The following NELL1 variants were observed in gnomAD, a reference collection of about 807,000 sequenced individuals.
NELL1 encodes the protein neural EGFL like 1, also known as protein kinase C-binding protein NELL1.
In NELL1, 76 loss-of-function variants were observed where a neutral mutation model predicts 107.4. The observed-to-expected ratio is 0.71, with a 90% CI of 0.59 to 0.86. NELL1 has a LOEUF of 0.86. NELL1 is among the 40% of genes least tolerant of loss of function. The pLI, the probability that NELL1 is intolerant of heterozygous loss-of-function variation, is 0.00. For synonymous variants in NELL1, 353 were observed against 341.2 expected (o/e 1.03, Z -0.38); for missense variants, 1,024 against 1,005.5 (o/e 1.02, Z -0.25).
At chr11:20,927,953 C>G (rs560913632) in intron 8 of NELL1, among the ~76,000 whole-genome samples, 1 of 152,138 alleles carries the variant, frequency 6.6e-6, no homozygotes, top group African/African-American at 2.4e-5. Flanking sequence ...TACAACATCC[C>G]CCTCCAAAAA....
chr11:20,961,149 A>G (rs556558893), intron 12 of NELL1, among the ~76,000 whole-genome samples: 82 of 152,214 alleles, frequency 5.4e-4, no homozygotes, highest in African/African-American at 1.9e-3. Context: ...AGCATCAATG[A>G]CCCACATTTC....
chr11:20,879,276 A>G (rs1849364228), intron 4 of NELL1, among the ~76,000 whole-genome samples: 1 of 152,168 alleles, frequency 6.6e-6, no homozygotes. Flanking sequence ...ATGCGTCTGA[A>G]TGGATCGTCC....
rs774842270 is a variant in NELL1, at chr11:21,261,002, A to G, written c.1549+31548A>G. The stretch of plus-strand genomic sequence containing the variant: ...TATTCTTTAAGTGGAGGTAATATTA[A>G]AGAACCCTCTATACCTTATTGAATA... On this transcript the variant is annotated intron_variant, in intron 14 of 19. Transcript: ENST00000357134. Among the ~76,000 whole-genome samples, 13 of 151,810 alleles carry G rather than the reference A, an allele frequency of 8.6e-5. 1 individual carries two copies. The highest frequency in any genetic ancestry group is 1.9e-4 in the Non-Finnish European group (13 of 67,840).
intron 5 of NELL1, among the ~76,000 whole-genome samples, chr11:20,893,211 G>A (rs1282368288): frequency 6.6e-6 from 1 of 151,666 alleles, no homozygotes; most frequent in Admixed American, 6.6e-5. Flanking sequence ...TTAACATTAA[G>A]AACACATGGA....
chr11:21,529,852 T>C (rs1169854270), intron 15 of NELL1, among the ~76,000 whole-genome samples: 1 of 152,186 alleles, frequency 6.6e-6, no homozygotes, highest in Non-Finnish European at 1.5e-5. Flanking sequence ...ACATGATGTT[T>C]GATTTTATCA....
At chr11:20,950,576 C>T (rs1429531546) in intron 11 of NELL1, among the ~76,000 whole-genome samples, 2 of 152,206 alleles carry the variant, frequency 1.3e-5, no homozygotes, top group East Asian at 3.9e-4. Context: ...GCCCAGTGGA[C>T]TTCTAAAGCA....
intron 14 of NELL1, among the ~76,000 whole-genome samples, chr11:21,339,876 A>G (rs1850522258): frequency 6.6e-6 from 1 of 152,170 alleles, no homozygotes; most frequent in South Asian, 2.1e-4. Flanking sequence ...AGCTTCCCCA[A>G]AAGCTCCACA....
chr11:20,745,282 A>G (rs567568121), intron 2 of NELL1, among the ~76,000 whole-genome samples: 1 of 152,342 alleles, frequency 6.6e-6, no homozygotes, highest in East Asian at 1.9e-4. Flanking sequence ...ATTGAAAATT[A>G]TAAGTCTCAC....
chr11:21,405,830 C>G (rs2133803763), intron 15 of NELL1, among the ~76,000 whole-genome samples: 1 of 152,104 alleles, frequency 6.6e-6, no homozygotes, highest in Middle Eastern at 3.4e-3. Context: ...CCTTTCCTTT[C>G]TTTGCAAGCC....
At chr11:20,934,884 T>A (rs1850691178) in intron 9 of NELL1, among the ~76,000 whole-genome samples, 1 of 152,184 alleles carries the variant, frequency 6.6e-6, no homozygotes, top group Non-Finnish European at 1.5e-5. Context: ...GCATAAAAGA[T>A]GATCAGGGAT....
At chr11:21,070,885 T>G (rs1208641982) in intron 12 of NELL1, among the ~76,000 whole-genome samples, 1 of 152,136 alleles carries the variant, frequency 6.6e-6, no homozygotes, top group East Asian at 1.9e-4. Context: ...ATCGAAAATA[T>G]CAGAAAAATA....
intron 12 of NELL1, among the ~76,000 whole-genome samples, chr11:21,068,831 GA>G (rs1473223322): frequency 6.6e-6 from 1 of 152,184 alleles, no homozygotes; most frequent in Non-Finnish European, 1.5e-5. Context: ...AAGTTTGCCT[GA>G]AGGAAATCTT....
At chr11:21,106,403 T>A (rs1854970351) in intron 12 of NELL1, among the ~76,000 whole-genome samples, 1 of 152,172 alleles carries the variant, frequency 6.6e-6, no homozygotes, top group Non-Finnish European at 1.5e-5. Flanking sequence ...AACTTCCTGG[T>A]GCATAGAAAA....
chr11:21,115,416 A>G (rs1855212362), intron 13 of NELL1, among the ~76,000 whole-genome samples: 1 of 151,870 alleles, frequency 6.6e-6, no homozygotes, highest in South Asian at 2.1e-4. Flanking sequence ...GAGGGAACAC[A>G]AAAGACAGAA....
intron 6 of NELL1, among the ~76,000 whole-genome samples, chr11:20,918,697 A>C (rs182722017): frequency 1.2e-4 from 18 of 152,140 alleles, no homozygotes; most frequent in African/African-American, 3.9e-4. Flanking sequence ...GTATGGGAGT[A>C]ACTGCCTTCA....
At chr11:21,156,753 A>G (rs907197019) in intron 13 of NELL1, among the ~76,000 whole-genome samples, 1 of 152,110 alleles carries the variant, frequency 6.6e-6, no homozygotes, top group Non-Finnish European at 1.5e-5. Context: ...ATCGTTTAGT[A>G]TAATGCTGAG....
intron 13 of NELL1, among the ~76,000 whole-genome samples, chr11:21,173,962 C>T (rs1248002423): frequency 3.3e-5 from 5 of 151,710 alleles, no homozygotes; most frequent in Admixed American, 3.3e-4. Flanking sequence ...TTTCTAAATG[C>T]TTTATATGCA....
intron 12 of NELL1, among the ~76,000 whole-genome samples, chr11:21,074,524 G>A (rs1471260946): frequency 1.3e-5 from 2 of 152,094 alleles, no homozygotes; most frequent in African/African-American, 4.8e-5. Flanking sequence ...TGGTAATCCA[G>A]GTTTGGATGC....
intron 13 of NELL1, among the ~76,000 whole-genome samples, chr11:21,147,328 G>A (rs1285331280): frequency 1.3e-5 from 2 of 152,152 alleles, no homozygotes; most frequent in Non-Finnish European, 2.9e-5. Context: ...GAGATGTAAT[G>A]TGCCGCATTC....
Sources: allele counts gnomAD v4.1 joint callset (sites outside exome capture counted in the v4.1 genomes callset), GRCh38; gene constraint gnomAD v4.1.1; transcripts MANE v1.5; gene names NCBI Gene and HGNC (gene_info 2026-07-23, HGNC 2026-07-21).